PTGIS: variants seen among roughly 807,000 people sequenced by gnomAD.
PTGIS encodes the protein prostaglandin I2 synthase.
PTGIS carries 45 observed loss-of-function variants against 50.3 expected under a neutral mutation model. The observed-to-expected ratio is 0.90, with a 90% CI of 0.70 to 1.15. The LOEUF (loss-of-function observed/expected upper bound fraction) is 1.15, where lower values mean the gene tolerates loss of function less well. Ranked by LOEUF, PTGIS falls within the 50% of genes most tolerant of loss-of-function variation. The pLI is 0.00. For synonymous variants in PTGIS, 260 were observed against 267.7 expected (o/e 0.97, Z 0.28); for missense variants, 668 against 661.3 (o/e 1.01, Z -0.11).
intron 8 of PTGIS, 151 bp from the exon 9 acceptor site, chr20:49,511,330 AT>A: frequency 1.1e-6 from 1 of 907,990 alleles, no homozygotes; most frequent in Non-Finnish European, 1.7e-6. Context: ...TGGTTAAAAA[AT>A]TATGGCAAAA....
intron 6 of PTGIS, 59 bp from the exon 7 acceptor site, chr20:49,514,454 C>T: frequency 1.3e-6 from 2 of 1,585,182 alleles, no homozygotes; most frequent in Non-Finnish European, 1.7e-6. Flanking sequence ...TCGTCTCTGC[C>T]AGGGACACAG....
intron 6 of PTGIS, among the ~76,000 whole-genome samples, chr20:49,519,473 G>A (rs1410284551): frequency 1.3e-5 from 2 of 151,756 alleles, no homozygotes; most frequent in Non-Finnish European, 2.9e-5. Context: ...TCCCACTCCC[G>A]GCTCTCCTCC....
intron 5 of PTGIS, among the ~76,000 whole-genome samples, chr20:49,528,225 G>A (rs2122860721): frequency 6.6e-6 from 1 of 152,264 alleles, no homozygotes; most frequent in East Asian, 1.9e-4. Context: ...GACATAAACA[G>A]TCATAAGTTT....
At chr20:49,548,990 G>A (rs565205285) in intron 2 of PTGIS, among the ~76,000 whole-genome samples, 4 of 152,280 alleles carry the variant, frequency 2.6e-5, no homozygotes, top group Middle Eastern at 6.8e-3. Flanking sequence ...TACATGGAAG[G>A]TGGGTGGGTG....
chr20:49,560,061 T>C (rs896078149), intron 1 of PTGIS, among the ~76,000 whole-genome samples: 10 of 151,610 alleles, frequency 6.6e-5, no homozygotes, highest in South Asian at 2.1e-4. Flanking sequence ...GTAGCTGGGA[T>C]TACAGGCACC....
intron 6 of PTGIS, 69 bp downstream of exon 6, chr20:49,523,989 A>G: frequency 6.4e-7 from 1 of 1,572,970 alleles, no homozygotes; most frequent in African/African-American, 1.4e-5. Flanking sequence ...AGACATGCAC[A>G]CACACATGCG....
chr20:49,556,046 T>C (rs1982616699), intron 1 of PTGIS, among the ~76,000 whole-genome samples: 1 of 152,254 alleles, frequency 6.6e-6, no homozygotes, highest in Non-Finnish European at 1.5e-5. Context: ...TTGATTCTTT[T>C]TGTTTTGTTT....
chr20:49,568,013 TG>T, intron 1 of PTGIS, 29 bp downstream of exon 1: 1 of 1,467,840 alleles, frequency 6.8e-7, no homozygotes, highest in Non-Finnish European at 9.0e-7. Flanking sequence ...CCCCTTTGTC[TG>T]GCGGGGCCGA....
intron 1 of PTGIS, among the ~76,000 whole-genome samples, chr20:49,561,692 G>A (rs536258311): frequency 7.9e-5 from 12 of 152,334 alleles, no homozygotes; most frequent in Non-Finnish European, 1.3e-4. Context: ...TGCTGGCTGT[G>A]TGACTTAGCT....
intron 5 of PTGIS, among the ~76,000 whole-genome samples, chr20:49,530,062 G>A (rs1451781170): frequency 1.3e-5 from 2 of 151,800 alleles, no homozygotes; most frequent in Non-Finnish European, 2.9e-5. Context: ...GCTGAGGCAG[G>A]AGAATCGCTT....
intron 1 of PTGIS, among the ~76,000 whole-genome samples, chr20:49,553,369 TCTTA>T (rs1238176852): frequency 3.3e-5 from 5 of 152,094 alleles, no homozygotes; most frequent in African/African-American, 9.6e-5. Context: ...ACTTTAAAGT[TCTTA>T]CTTAAGTAAA....
At chr20:49,509,313 G>A (rs1349487407) in intron 9 of PTGIS, among the ~76,000 whole-genome samples, 2 of 152,166 alleles carry the variant, frequency 1.3e-5, no homozygotes, top group East Asian at 1.9e-4. Context: ...GCCTAGACTC[G>A]GTTTTAGATG....
At chr20:49,537,333 G>T (rs1026710389) in intron 5 of PTGIS, among the ~76,000 whole-genome samples, 10 of 152,202 alleles carry the variant, frequency 6.6e-5, no homozygotes, top group African/African-American at 2.4e-4. Context: ...CACTAAGTAC[G>T]CTCTGCAGCC....
chr20:49,549,260 CATA>C lies in PTGIS; in HGVS notation c.198+803_198+805del, dbSNP rs537143788. ...TGCTCAAGTCCTTGATTTAAAATGGCATAATATTTGCAAATAACCTACATGCAT... is the reference window on the plus strand; with the variant it reads ...TGCTCAAGTCCTTGATTTAAAATGGCATATTTGCAAATAACCTACATGCAT... On this transcript the variant is annotated intron_variant, in intron 2 of 9. Coordinates refer to ENST00000244043, the MANE Select transcript of PTGIS (RefSeq NM_000961.4). Among the ~76,000 whole-genome samples the C allele has an allele frequency of 1.1e-3, 173 of 152,278 alleles. 1 individual carries two copies. Among genetic ancestry groups the C allele is most frequent in the Admixed American group, 0.011 (162 of 15,286 alleles).
At chr20:49,535,220 A>G (rs776307490) in intron 5 of PTGIS, among the ~76,000 whole-genome samples, 1 of 152,210 alleles carries the variant, frequency 6.6e-6, no homozygotes, top group African/African-American at 2.4e-5. Context: ...GATTGATGGC[A>G]TCTGGTGGAG....
chr20:49,568,118 G>GCGGGGCTGGCGGGGCTGA lies in PTGIS; in HGVS notation c.-3_-2insTCAGCCCCGCCAGCCCCG, dbSNP rs776591109. 253 of 930,884 alleles carry GCGGGGCTGGCGGGGCTGA rather than the reference G, an allele frequency of 2.7e-4. No individual in the cohort carries two copies. In the East Asian group the frequency reaches 8.4e-3, roughly 31 times the overall value. 57.7% of individuals were successfully genotyped at this position (930,884 alleles called of 1,614,324 possible). A position where few individuals can be genotyped will look rare whatever the true frequency, so the allele number is the denominator to read the frequency against. ...GCCGAGGAGCGCGGCCCAAGCCATC[G>GCGGGGCTGGCGGGGCTGA]CGGGGCTGGCGGGGCTGGCGGGGCT... On this transcript the variant is annotated 5_prime_UTR_variant, in exon 1 of 10. Coordinates refer to ENST00000244043, the MANE Select transcript of PTGIS (RefSeq NM_000961.4).
At chr20:49,536,146 A>G (rs1239608733) in intron 5 of PTGIS, among the ~76,000 whole-genome samples, 1 of 152,228 alleles carries the variant, frequency 6.6e-6, no homozygotes, top group African/African-American at 2.4e-5. Flanking sequence ...ATTTGTCTCT[A>G]GTTGTGAGAA....
chr20:49,533,064 C>T (rs1322496538), intron 5 of PTGIS, among the ~76,000 whole-genome samples: 1 of 152,162 alleles, frequency 6.6e-6, no homozygotes, highest in African/African-American at 2.4e-5. Context: ...CCCAGAGTCC[C>T]CATGCTATGT....
At chr20:49,509,399 G>A (rs1286982977) in intron 9 of PTGIS, among the ~76,000 whole-genome samples, 1 of 152,140 alleles carries the variant, frequency 6.6e-6, no homozygotes, top group Non-Finnish European at 1.5e-5. Context: ...AACACTGTGC[G>A]CTAGGCACCA....
Sources: allele counts gnomAD v4.1 joint callset (sites outside exome capture counted in the v4.1 genomes callset), GRCh38; gene constraint gnomAD v4.1.1; transcripts MANE v1.5; gene names NCBI Gene and HGNC (gene_info 2026-07-23, HGNC 2026-07-21).